Variants in GAL3ST1 observed in about 807,000 individuals in gnomAD.
The protein encoded by GAL3ST1 is galactosylceramide sulfotransferase.
A neutral mutation model predicts 25.0 loss-of-function variants in GAL3ST1; 13 were observed. That is an observed-to-expected ratio of 0.52 (90% confidence interval 0.34 to 0.83). The LOEUF is 0.83. Ranked by LOEUF, GAL3ST1 falls within the 40% of genes least tolerant of loss-of-function variation. GAL3ST1 has a pLI of 0.02. For synonymous variants in GAL3ST1, 274 were observed against 277.8 expected (o/e 0.99, Z 0.14); for missense variants, 474 against 613.6 (o/e 0.77, Z 2.40).
chr22:30,555,598 G>A lies in GAL3ST1; in HGVS notation c.627C>T (p.Phe209=), dbSNP rs1214750205. The A allele has an allele frequency of 6.2e-7, 1 of 1,613,588 alleles. No individual in the cohort carries two copies. The highest frequency in any genetic ancestry group is 1.7e-5 in the Admixed American group (1 of 60,032). Residue 209 remains phenylalanine (F), a synonymous_variant, in exon 4 of 4, where the codon TTC becomes TTT. Coordinates refer to ENST00000406361, the MANE Select transcript of GAL3ST1 (RefSeq NM_001318104.2). This position sits in a 1 kb window ranked among gnomAD's most constrained non-coding sequence, Gnocchi z 8.6. ...DPDRYYDPNG[F]NAHYLRNLLF... ...GCAGGTTTCGGAGGTAGTGGGCATT[G>A]AAGCCGTTGGGGTCGTAGTAGCGAT... is the stretch of plus-strand genomic sequence containing the variant.
chr22:30,568,823 A>C (rs5997685), intron 1 of GAL3ST1, among the ~76,000 whole-genome samples: 55,103 of 151,716 alleles, frequency 0.36, 10,079 homozygotes, highest in African/African-American at 0.41. Flanking sequence ...CGCCTGTAAT[A>C]CCAGCACTTT....
intron 3 of GAL3ST1, 118 bp downstream of exon 3, chr22:30,557,144 G>C (rs2086086933): frequency 4.0e-6 from 4 of 996,256 alleles, no homozygotes; most frequent in Non-Finnish European, 6.1e-6. Context: ...ATGGTGCAGG[G>C]TGCAGGGTGG....
At chr22:30,557,040 G>T (rs1048551586) in intron 3 of GAL3ST1, among the ~76,000 whole-genome samples, 1 of 152,208 alleles carries the variant, frequency 6.6e-6, no homozygotes, top group African/African-American at 2.4e-5. Flanking sequence ...CAGCCGAAAG[G>T]CTCTGTTTTT....
At chr22:30,565,274 T>C (rs1243143226) in intron 1 of GAL3ST1, 1 of 152,258 alleles carries the variant, frequency 6.6e-6, no homozygotes, top group Non-Finnish European at 1.5e-5. Flanking sequence ...TTGCATTTCA[T>C]TTAAGTCTCA....
chr22:30,570,328 T>C (rs993565863), intron 1 of GAL3ST1, among the ~76,000 whole-genome samples: 15 of 152,134 alleles, frequency 9.9e-5, no homozygotes, highest in African/African-American at 3.6e-4. Flanking sequence ...CAGTTCTGAG[T>C]GTGCCTGTTC....
At chr22:30,573,580 G>A (rs2086835839) in intron 1 of GAL3ST1, among the ~76,000 whole-genome samples, 2 of 152,186 alleles carry the variant, frequency 1.3e-5, no homozygotes, top group African/African-American at 4.8e-5. Context: ...TTTCCCAACT[G>A]GAATGGACAG....
At chr22:30,574,269 C>T (rs972498110) in intron 1 of GAL3ST1, among the ~76,000 whole-genome samples, 197 bp downstream of exon 1, 1 of 152,124 alleles carries the variant, frequency 6.6e-6, no homozygotes, top group Non-Finnish European at 1.5e-5. Context: ...CAACCTGTGC[C>T]CTCCCTGGCC....
chr22:30,565,925 C>T lies in GAL3ST1; in HGVS notation c.-119-7537G>A, dbSNP rs543566688. 1.8e-4 allele frequency among the ~76,000 whole-genome samples: 27 copies of T among 152,278 alleles called. No individual in the cohort carries two copies. The South Asian group carries it at 4.6e-3, about 26-fold the overall frequency. ...CCAGGCAGGTGTCACCATTTAGGGA[C>T]CCAGGTGCCACCATCAATTAATAAT... On this transcript the variant is annotated intron_variant, in intron 1 of 3. Coordinates refer to ENST00000406361, the MANE Select transcript of GAL3ST1 (RefSeq NM_001318104.2).
At chr22:30,562,390 G>A (rs1314415793) in intron 1 of GAL3ST1, among the ~76,000 whole-genome samples, 3 of 152,130 alleles carry the variant, frequency 2.0e-5, no homozygotes, top group Non-Finnish European at 4.4e-5. Flanking sequence ...GTTGCAGGCT[G>A]ATCTTGAGTT....
chr22:30,574,193 A>C (rs1439401418), intron 1 of GAL3ST1, among the ~76,000 whole-genome samples: 1 of 152,166 alleles, frequency 6.6e-6, no homozygotes, highest in South Asian at 2.1e-4. Context: ...TCCCACCTTC[A>C]GGGACTGGGA....
Position 30,555,177 on chromosome 22 carries a change from G to T in GAL3ST1, c.1048C>A (p.His350Asn). 6.2e-7 allele frequency: 1 copy of T among 1,601,948 alleles called. No homozygotes were observed. The highest frequency in any genetic ancestry group is 8.5e-7 in the Non-Finnish European group (1 of 1,176,418). The change falls in exon 4 of 4, where the codon CAC (histidine) becomes AAC (asparagine). Residue 350 changes from histidine to asparagine, a missense_variant. His to Asn is a moderately conservative substitution (Grantham distance 68). This residue lies in a region of GAL3ST1 where 359 missense variants were observed against 504.4 expected (regional missense o/e 0.71). Transcript: ENST00000406361. This position sits in a 1 kb window ranked among gnomAD's most constrained non-coding sequence, Gnocchi z 8.6. Reference sequence around the variant, plus strand: ...TGGATGGCGGCGGCGTCCACGGCGTGGCCCCCGTCGATGCAGATGGTCCGC... The same window carrying T: ...TGGATGGCGGCGGCGTCCACGGCGTTGCCCCCGTCGATGCAGATGGTCCGC... ...RMRTICIDGG[H>N]AVDAAAIQDE...
chr22:30,561,611 T>A (rs781603807), intron 1 of GAL3ST1, among the ~76,000 whole-genome samples: 2 of 152,176 alleles, frequency 1.3e-5, no homozygotes, highest in African/African-American at 4.8e-5. Context: ...CTGCCTGGTG[T>A]GTCCTAAGCC....
At position 30,554,948 on chromosome 22, in the gene GAL3ST1, G is replaced by C; in HGVS notation, c.*5C>G. On this transcript the variant is annotated 3_prime_UTR_variant, in exon 4 of 4. Coordinates refer to ENST00000406361, the MANE Select transcript of GAL3ST1 (RefSeq NM_001318104.2). ...CAGGCAGGCAAGCCGCTGGGCGGTG[G>C]GACGTCACCACCGCAGGAAATCGCG... 1 of 1,553,210 alleles carries C rather than the reference G, an allele frequency of 6.4e-7. No individual in the cohort carries two copies.
At chr22:30,569,779 C>T (rs575724940) in intron 1 of GAL3ST1, among the ~76,000 whole-genome samples, 11 of 152,272 alleles carry the variant, frequency 7.2e-5, no homozygotes, top group East Asian at 5.8e-4. Flanking sequence ...TTTGCAGCAC[C>T]GCTATTCCCC....
In GAL3ST1 at chr22:30,574,601, G is replaced by GCCGCTGCCGCGCCGCGC. The variant is rs1243374425; in HGVS notation, c.-272_-256dup. The GCCGCTGCCGCGCCGCGC allele has an allele frequency of 4.2e-4, 60 of 142,632 alleles. No homozygotes were observed. Among genetic ancestry groups the GCCGCTGCCGCGCCGCGC allele is most frequent in the South Asian group, 1.3e-3 (7 of 5,384 alleles). The allele number at this position is 142,632 out of a possible 1,614,324, so 8.8% of individuals were successfully genotyped here. On this transcript the variant is annotated 5_prime_UTR_variant, in exon 1 of 4. Coordinates refer to ENST00000406361, the MANE Select transcript of GAL3ST1 (RefSeq NM_001318104.2). ...CCTGGTCCATGCCCCCGCCCCCGCC[G>GCCGCTGCCGCGCCGCGC]CCGCTGCCGCGCCGCGCCCGCTCCC... is the stretch of plus-strand genomic sequence containing the variant.
intron 1 of GAL3ST1, among the ~76,000 whole-genome samples, chr22:30,574,193 A>G (rs1439401418): frequency 1.3e-5 from 2 of 152,048 alleles, no homozygotes; most frequent in Non-Finnish European, 2.9e-5. Context: ...TCCCACCTTC[A>G]GGGACTGGGA....
intron 1 of GAL3ST1, among the ~76,000 whole-genome samples, chr22:30,570,763 G>A (rs774713056): frequency 6.7e-6 from 1 of 148,506 alleles, no homozygotes; most frequent in Admixed American, 6.8e-5. Flanking sequence ...TCCAGCCTAG[G>A]CAAAAAGAAC....
At chr22:30,562,157 C>A (rs894902439) in intron 1 of GAL3ST1, among the ~76,000 whole-genome samples, 1 of 152,264 alleles carries the variant, frequency 6.6e-6, no homozygotes, top group African/African-American at 2.4e-5. Context: ...CTCAGTGGAT[C>A]TTCTTGCCTC....
At chr22:30,560,272 C>T (rs1304501880) in intron 1 of GAL3ST1, 4 of 152,028 alleles carry the variant, frequency 2.6e-5, no homozygotes, top group African/African-American at 9.7e-5. Context: ...GGCCCCAGCA[C>T]CAACCTCAGG....
Sources: allele counts gnomAD v4.1 joint callset (sites outside exome capture counted in the v4.1 genomes callset), GRCh38; gene constraint gnomAD v4.1.1; regional missense constraint gnomAD v4.1.1; non-coding constraint Gnocchi (gnomAD v3.1); transcripts MANE v1.5; gene names NCBI Gene and HGNC (gene_info 2026-07-23, HGNC 2026-07-21).